Variants in FSD1L observed in about 807,000 individuals in gnomAD.
The protein encoded by FSD1L is fibronectin type III and SPRY domain containing 1 like, also known as FSD1-like protein.
A neutral mutation model predicts 71.6 loss-of-function variants in FSD1L; 45 were observed. The observed-to-expected ratio is 0.63, with a 90% CI of 0.49 to 0.81. The LOEUF (loss-of-function observed/expected upper bound fraction) is 0.81. Ranked by LOEUF, FSD1L falls within the 30% of genes least tolerant of loss-of-function variation. The probability of loss-of-function intolerance (pLI) is 0.00; values close to 1 mark genes in which losing one functional copy is unlikely to be tolerated. For missense variants in FSD1L, 561 were observed against 618.1 expected, an observed-to-expected ratio of 0.91 and a Z score of 0.98; for synonymous variants, 197 against 207.2, an observed-to-expected ratio of 0.95 and a Z score of 0.42.
intron 7 of FSD1L, among the ~76,000 whole-genome samples, chr9:105,495,485 C>T (rs920734333): frequency 2.0e-5 from 3 of 152,204 alleles, no homozygotes; most frequent in Admixed American, 6.5e-5. Flanking sequence ...TGCTTCGGCT[C>T]GTGCAGGGTG....
chr9:105,480,294 C>CTT (rs202199417), intron 6 of FSD1L, among the ~76,000 whole-genome samples: 3,881 of 140,158 alleles, frequency 0.028, 183 homozygotes, highest in African/African-American at 0.096. Context: ...CTGGGTTTCT[C>CTT]TTTTTTTTTT....
rs1260876389 is a variant in FSD1L at position 105,545,426 on chromosome 9, G to C, written c.1468-932G>C. On this transcript the variant is annotated intron_variant, in intron 13 of 13. Coordinates refer to ENST00000481272, the MANE Select transcript of FSD1L (RefSeq NM_001145313.3). The stretch of plus-strand genomic sequence containing the variant: ...TGAATACCCTTTATTTCTTTCTCCT[G>C]CCTGATTGCTCTGGCCAGAACTTCC... Among the ~76,000 whole-genome samples, 42 of 145,438 alleles carry C rather than the reference G, an allele frequency of 2.9e-4. 8 individuals are homozygous for C. The highest frequency in any genetic ancestry group is 5.9e-4 in the African/African-American group (22 of 37,102).
At chr9:105,462,161 CT>C (rs895664520) in intron 2 of FSD1L, among the ~76,000 whole-genome samples, 1 of 148,542 alleles carries the variant, frequency 6.7e-6, no homozygotes, top group East Asian at 2.0e-4. Flanking sequence ...CTGTATCTGC[CT>C]TTTTTTTGGT....
intron 1 of FSD1L, among the ~76,000 whole-genome samples, chr9:105,448,856 A>G (rs1829803533): frequency 6.6e-6 from 1 of 152,230 alleles, no homozygotes; most frequent in African/African-American, 2.4e-5. Context: ...GTTGCTGGGC[A>G]CAGTTACTTA....
At chr9:105,511,905 A>G (rs1263816391) in intron 9 of FSD1L, among the ~76,000 whole-genome samples, 2 of 152,150 alleles carry the variant, frequency 1.3e-5, no homozygotes, top group Non-Finnish European at 2.9e-5. Flanking sequence ...ATTTCTTAAT[A>G]TATACTAGAA....
chr9:105,546,273 C>T, intron 13 of FSD1L, 85 bp from the exon 14 acceptor site: 1 of 1,236,606 alleles, frequency 8.1e-7, no homozygotes, highest in Non-Finnish European at 1.1e-6. Context: ...ATATGTGTGG[C>T]ATTTTGCCTT....
At chr9:105,447,507 G>T (rs1829695048), upstream of FSD1L, among the ~76,000 whole-genome samples, 1 of 152,084 alleles carries the variant, frequency 6.6e-6, no homozygotes, top group East Asian at 1.9e-4. Flanking sequence ...AGGTGCCGGG[G>T]AGGATGGGTG....
intron 10 of FSD1L, among the ~76,000 whole-genome samples, chr9:105,528,543 T>C (rs1317730702): frequency 6.6e-6 from 1 of 152,238 alleles, no homozygotes; most frequent in Non-Finnish European, 1.5e-5. Context: ...AAAGATTCCC[T>C]ATTTAATAAA....
At position 105,535,107 on chromosome 9, in the gene FSD1L, C is replaced by G. The variant is rs922312872; in HGVS notation, c.1167C>G (p.Val389=). The G allele has an allele frequency of 6.4e-7, 1 of 1,551,516 alleles. No individual in the cohort carries two copies. The highest frequency in any genetic ancestry group is 8.7e-7 in the Non-Finnish European group (1 of 1,146,868). ...AAAGTGGACAACATTATTGGGAGGT[C>G]AAGGCCCAGAAGGATTGTAAATCCT... ...AIESGQHYWE[V]KAQKDCKSYS... Residue 389 remains valine, a synonymous_variant, in exon 12 of 14, where the codon GTC becomes GTG. Transcript: ENST00000481272.
chr9:105,492,382 T>TA (rs1464387856), intron 7 of FSD1L, among the ~76,000 whole-genome samples: 5 of 152,290 alleles, frequency 3.3e-5, no homozygotes, highest in Non-Finnish European at 7.4e-5. Context: ...ATTTGATTCT[T>TA]CTCTCTTTTC....
At position 105,495,898 on chromosome 9, in the gene FSD1L, G is replaced by T. The variant is rs1159509219; in HGVS notation, c.587-10501G>T. 2.0e-5 allele frequency among the ~76,000 whole-genome samples: 3 copies of T among 151,772 alleles called. No individual in the cohort carries two copies. The East Asian group carries it at 5.9e-4, about 30-fold the overall frequency. On this transcript the variant is annotated intron_variant, in intron 7 of 13. Transcript: ENST00000481272. ...GCTGAGGCAGAATGGCATGAACCCG[G>T]GAGGCGGAGCTTGCAGTGAGCCGAG...
At chr9:105,499,786 T>C (rs987563476) in intron 7 of FSD1L, among the ~76,000 whole-genome samples, 1 of 151,944 alleles carries the variant, frequency 6.6e-6, no homozygotes, top group Admixed American at 6.6e-5. Context: ...TTCCTTTCTG[T>C]CTTCTTCTTC....
intron 7 of FSD1L, among the ~76,000 whole-genome samples, chr9:105,486,367 A>G (rs1184388263): frequency 6.6e-6 from 1 of 152,194 alleles, no homozygotes. Flanking sequence ...GACATGTAGA[A>G]TTTCATTGGT....
intron 5 of FSD1L, chr9:105,472,394 G>A (rs1271235983): frequency 6.0e-6 from 1 of 167,942 alleles, no homozygotes; most frequent in Non-Finnish European, 1.3e-5. Flanking sequence ...GATATGTTTA[G>A]TATAAAAATG....
chr9:105,484,997 G>T (rs1277647906), intron 7 of FSD1L, among the ~76,000 whole-genome samples: 1 of 152,280 alleles, frequency 6.6e-6, no homozygotes, highest in Admixed American at 6.5e-5. Flanking sequence ...TATTGTGGTT[G>T]TTGGCTCAGA....
chr9:105,498,190 T>TTATTATTA (rs1554708757), intron 7 of FSD1L, among the ~76,000 whole-genome samples: 3 of 143,436 alleles, frequency 2.1e-5, no homozygotes, highest in Admixed American at 7.1e-5. Flanking sequence ...TTGCTTTGGC[T>TTATTATTA]TTATTATTAT....
intron 4 of FSD1L, among the ~76,000 whole-genome samples, 178 bp from the exon 5 acceptor site, chr9:105,471,724 TTA>T (rs35702574): frequency 0.068 from 9,696 of 143,254 alleles, 356 homozygotes; most frequent in South Asian, 0.098. Context: ...ATAACACGTT[TTA>T]TATATATATA....
rs199565803 is a variant in FSD1L, at chr9:105,519,270, TA to T, written c.1025+6341del. 7.3e-3 allele frequency among the ~76,000 whole-genome samples: 1,112 copies of T among 151,694 alleles called. 29 individuals are homozygous for T. Among genetic ancestry groups the T allele is most frequent in the Admixed American group, 0.04 (617 of 15,256 alleles). ...TTCCTTCTGAAACTATTCCAAACAA[TA>T]AAAAAAGACAAACTCCTCCCTAACT... On this transcript the variant is annotated intron_variant, in intron 10 of 13. Transcript: ENST00000481272.
chr9:105,463,082 G>C (rs935694993), intron 2 of FSD1L, among the ~76,000 whole-genome samples: 1 of 151,330 alleles, frequency 6.6e-6, no homozygotes, highest in African/African-American at 2.4e-5. Context: ...AGGTTGCAGT[G>C]AGCCGAGATC....
Sources: gnomAD v4.1 joint callset for allele counts (sites outside exome capture counted in the v4.1 genomes callset) on GRCh38, gnomAD v4.1.1 for gene constraint, MANE v1.5 for transcripts, NCBI Gene and HGNC (gene_info 2026-07-23, HGNC 2026-07-21) for gene names.